Variants in ANKRD55 observed in about 807,000 individuals in gnomAD.
The protein encoded by ANKRD55 is ankyrin repeat domain-containing protein 55.
In ANKRD55, 41 loss-of-function variants were observed where a neutral mutation model predicts 60.6. The observed-to-expected ratio is 0.68, with a 90% CI of 0.53 to 0.88. ANKRD55 has a LOEUF of 0.88. Ranked by LOEUF, ANKRD55 falls within the 40% of genes least tolerant of loss-of-function variation. ANKRD55 has a pLI of 0.00. For missense variants in ANKRD55, 732 were observed against 767.6 expected (o/e 0.95, Z 0.55); for synonymous variants, 264 against 290.3 (o/e 0.91, Z 0.92).
At chr5:56,215,095 T>C (rs75688722) in intron 2 of ANKRD55, among the ~76,000 whole-genome samples, 2 of 152,062 alleles carry the variant, frequency 1.3e-5, no homozygotes, top group African/African-American at 2.4e-5. Flanking sequence ...TTTTTTTTTT[T>C]AATCAACTGT....
At chr5:56,139,030 T>C (rs1462741753) in intron 7 of ANKRD55, among the ~76,000 whole-genome samples, 1 of 138,408 alleles carries the variant, frequency 7.2e-6, no homozygotes, top group African/African-American at 2.8e-5. Flanking sequence ...GTAACAAATG[T>C]ACCACTGTAG....
intron 2 of ANKRD55, among the ~76,000 whole-genome samples, chr5:56,199,355 T>A (rs1252015759): frequency 2.6e-5 from 4 of 152,176 alleles, no homozygotes; most frequent in African/African-American, 9.7e-5. Context: ...CTAATCTTAC[T>A]GCTGAGCAGT....
intron 2 of ANKRD55, chr5:56,192,987 C>A: frequency 1.1e-6 from 1 of 879,144 alleles, no homozygotes; most frequent in Non-Finnish European, 1.7e-6. Context: ...TACTGGAAAA[C>A]AATTAAACCT....
chr5:56,163,219 C>G (rs1052751944), intron 5 of ANKRD55, among the ~76,000 whole-genome samples: 1 of 152,312 alleles, frequency 6.6e-6, no homozygotes, highest in East Asian at 1.9e-4. Flanking sequence ...AACAAAGAAC[C>G]TGAGGCCCTT....
chr5:56,152,023 A>AT (rs1758067476), intron 6 of ANKRD55, among the ~76,000 whole-genome samples: 1 of 148,380 alleles, frequency 6.7e-6, no homozygotes, highest in East Asian at 2.0e-4. Flanking sequence ...GGATACAAAG[A>AT]TAAAAAAAGG....
chr5:56,159,998 T>C lies in ANKRD55; in HGVS notation c.423-105A>G, dbSNP rs1758286323. ...TTAGAAAAACCGTCAGTTGAAAGACTCCAAATGAAGATGAGGGCCCTTTCC... is the reference window on the plus strand; with the variant it reads ...TTAGAAAAACCGTCAGTTGAAAGACCCCAAATGAAGATGAGGGCCCTTTCC... On this transcript the variant is annotated intron_variant, in intron 5 of 11. Transcript: ENST00000341048. The C allele has an allele frequency of 6.4e-6, 6 of 933,998 alleles. No homozygotes were observed. In the East Asian group the frequency reaches 1.5e-4, roughly 23 times the overall value. 57.9% of individuals were successfully genotyped at this position (933,998 alleles called of 1,614,324 possible).
intron 10 of ANKRD55, among the ~76,000 whole-genome samples, chr5:56,106,887 C>G (rs1053098348): frequency 6.6e-5 from 10 of 151,874 alleles, no homozygotes; most frequent in African/African-American, 2.4e-4. Flanking sequence ...GGAGATGTGT[C>G]TGTAGTTCCA....
chr5:56,166,365 T>C (rs1758485084), intron 5 of ANKRD55, among the ~76,000 whole-genome samples: 1 of 151,634 alleles, frequency 6.6e-6, no homozygotes. Flanking sequence ...TCAAGCAATC[T>C]TCCAGTCTCA....
intron 6 of ANKRD55, among the ~76,000 whole-genome samples, chr5:56,155,599 T>C (rs1368247821): frequency 1.3e-5 from 2 of 152,202 alleles, no homozygotes; most frequent in Non-Finnish European, 2.9e-5. Flanking sequence ...TTTTGATATT[T>C]GGCCTGGTCT....
At chr5:56,222,667 T>A (rs1759997206) in intron 2 of ANKRD55, among the ~76,000 whole-genome samples, 1 of 152,176 alleles carries the variant, frequency 6.6e-6, no homozygotes, top group Non-Finnish European at 1.5e-5. Flanking sequence ...AATGACTTGA[T>A]GGAGCTGAAA....
At chr5:56,102,908 AT>A (rs1756334710) in intron 10 of ANKRD55, among the ~76,000 whole-genome samples, 2 of 152,240 alleles carry the variant, frequency 1.3e-5, no homozygotes, top group Non-Finnish European at 2.9e-5. Context: ...GGCATCTCTT[AT>A]ATATTCATCA....
At chr5:56,159,087 A>T (rs900162686) in intron 6 of ANKRD55, among the ~76,000 whole-genome samples, 1 of 151,970 alleles carries the variant, frequency 6.6e-6, no homozygotes, top group African/African-American at 2.4e-5. Context: ...GGCTCAAGTG[A>T]TCCTCCCACC....
chr5:56,222,314 G>C (rs1372783508), intron 2 of ANKRD55, among the ~76,000 whole-genome samples: 3 of 152,166 alleles, frequency 2.0e-5, no homozygotes, highest in Non-Finnish European at 4.4e-5. Context: ...CTAAGAAACA[G>C]AAAGGACATC....
chr5:56,232,416 A>G (rs1943829966), intron 2 of ANKRD55, among the ~76,000 whole-genome samples: 2 of 152,236 alleles, frequency 1.3e-5, no homozygotes, highest in African/African-American at 4.8e-5. Flanking sequence ...TTACGAAGAT[A>G]CAGCAATGAG....
At chr5:56,106,816 G>A (rs924487370) in intron 10 of ANKRD55, among the ~76,000 whole-genome samples, 2 of 151,796 alleles carry the variant, frequency 1.3e-5, no homozygotes, top group African/African-American at 4.8e-5. Context: ...GACTAGTCTG[G>A]GTAACAAAGT....
chr5:56,173,582 C>CTCTATATATA (rs1484157730), intron 4 of ANKRD55, among the ~76,000 whole-genome samples: 4 of 45,238 alleles, frequency 8.8e-5, no homozygotes, highest in Admixed American at 3.5e-4. Flanking sequence ...CTCTCTCTCT[C>CTCTATATATA]TATATATATA....
intron 2 of ANKRD55, among the ~76,000 whole-genome samples, chr5:56,225,035 G>A (rs1447324538): frequency 6.6e-6 from 1 of 152,170 alleles, no homozygotes; most frequent in Non-Finnish European, 1.5e-5. Context: ...AACAAAAAAA[G>A]AGAATTTTAG....
chr5:56,230,587 C>G (rs1760229853), intron 2 of ANKRD55, among the ~76,000 whole-genome samples: 1 of 152,196 alleles, frequency 6.6e-6, no homozygotes, highest in African/African-American at 2.4e-5. Flanking sequence ...AAAGTCACCT[C>G]CCTTTGGTTT....
chr5:56,138,893 A>G (rs745554063), intron 7 of ANKRD55, among the ~76,000 whole-genome samples: 33 of 152,210 alleles, frequency 2.2e-4, no homozygotes, highest in Non-Finnish European at 5.9e-5. Flanking sequence ...TCCGCATGAT[A>G]CTTTAATGAT....
Sources: allele counts gnomAD v4.1 joint callset (sites outside exome capture counted in the v4.1 genomes callset), GRCh38; gene constraint gnomAD v4.1.1; transcripts MANE v1.5; gene names NCBI Gene and HGNC (gene_info 2026-07-23, HGNC 2026-07-21).